Variants in GCKR observed in about 807,000 individuals in gnomAD.
The protein encoded by GCKR is glucokinase regulatory protein.
A neutral mutation model predicts 82.9 loss-of-function variants in GCKR; 73 were observed. That is an observed-to-expected ratio of 0.88 (90% CI 0.73 to 1.07). The LOEUF (loss-of-function observed/expected upper bound fraction) is 1.07, where lower values mean the gene tolerates loss of function less well. Ranked by LOEUF, GCKR falls within the 50% of genes least tolerant of loss-of-function variation. The pLI is 0.00. For synonymous variants in GCKR, 294 were observed against 291.8 expected, an observed-to-expected ratio of 1.01 and a Z score of -0.08; for missense variants, 784 against 782.1, an observed-to-expected ratio of 1.00 and a Z score of -0.03.
At chr2:27,506,403 C>G (rs1336198857) in intron 10 of GCKR, 78 bp from the exon 11 acceptor site, 8 of 934,774 alleles carry the variant, frequency 8.6e-6, no homozygotes, top group Admixed American at 3.4e-5. Context: ...TGTGCCTTCA[C>G]CTCCCCGCTC....
chr2:27,519,237 G>C (rs1242940852), intron 17 of GCKR, among the ~76,000 whole-genome samples: 1 of 151,964 alleles, frequency 6.6e-6, no homozygotes, highest in East Asian at 1.9e-4. Flanking sequence ...ACAATCTTAG[G>C]GCAGCTGAAT....
intron 1 of GCKR, 120 bp downstream of exon 1, chr2:27,497,084 T>C: frequency 3.3e-6 from 4 of 1,207,332 alleles, no homozygotes; most frequent in Non-Finnish European, 4.9e-6. Flanking sequence ...CTTTCCCTAA[T>C]ATGCCCAGAG....
chr2:27,522,793 T>C (rs947868641), intron 18 of GCKR, among the ~76,000 whole-genome samples, 199 bp downstream of exon 18: 2 of 152,172 alleles, frequency 1.3e-5, no homozygotes, highest in East Asian at 3.9e-4. Flanking sequence ...TTTCTGCTCT[T>C]AATCCACCTT....
intron 9 of GCKR, among the ~76,000 whole-genome samples, chr2:27,505,403 C>CAAAAAAAAAAAAAAAAAGAA (rs200176153): frequency 1.8e-5 from 1 of 54,514 alleles, no homozygotes; most frequent in African/African-American, 5.9e-5. Context: ...GACTCCATCT[C>CAAAAAAAAAAAAAAAAAGAA]AAAAAAAAAA....
chr2:27,503,543 C>T lies in GCKR; in HGVS notation c.674C>T (p.Thr225Ile). 1 of 1,607,172 alleles carries T rather than the reference C, an allele frequency of 6.2e-7. No homozygotes were observed. The highest frequency in any genetic ancestry group is 8.5e-7 in the Non-Finnish European group (1 of 1,173,664). The change falls in exon 9 of 19, where the codon ACA (threonine) becomes ATA (isoleucine). Residue 225 changes from threonine (T) to isoleucine (I), a missense_variant. Coordinates refer to ENST00000264717, the MANE Select transcript of GCKR (RefSeq NM_001486.4). ...RNDPIEDWSS[T>I]FRQVAERMQK... ...GACCCCATTGAAGACTGGAGTTCAA[C>T]ATTCCGACAAGTAGCAGAGCGGATG...
intron 10 of GCKR, 125 bp downstream of exon 10, chr2:27,505,961 C>A: frequency 2.7e-6 from 2 of 751,312 alleles, no homozygotes; most frequent in South Asian, 1.4e-5. Context: ...CACCACGCCT[C>A]CCCTGGGAAG....
chr2:27,513,301 C>G (rs940770971), intron 16 of GCKR, among the ~76,000 whole-genome samples: 2 of 152,094 alleles, frequency 1.3e-5, no homozygotes, highest in East Asian at 1.9e-4. Context: ...GAGGCTGAGG[C>G]AGGTGGATCA....
chr2:27,501,261 G>T, intron 8 of GCKR, 32 bp downstream of exon 8: 1 of 1,412,658 alleles, frequency 7.1e-7, no homozygotes, highest in Non-Finnish European at 1.0e-6. Flanking sequence ...GGCAGCCCTG[G>T]GGCAGGCTGG....
intron 8 of GCKR, among the ~76,000 whole-genome samples, chr2:27,502,920 G>A (rs573441144): frequency 6.6e-6 from 1 of 152,348 alleles, no homozygotes; most frequent in South Asian, 2.1e-4. Flanking sequence ...TCCGTGATTT[G>A]TAACTAAGCA....
chr2:27,503,738 G>T, intron 9 of GCKR, 119 bp downstream of exon 9: 1 of 697,422 alleles, frequency 1.4e-6, no homozygotes, highest in Admixed American at 2.1e-5. Flanking sequence ...CTGAGGTATT[G>T]TGAGTCAGCT....
intron 16 of GCKR, among the ~76,000 whole-genome samples, chr2:27,517,055 C>T (rs1287374002): frequency 6.0e-5 from 9 of 149,064 alleles, no homozygotes; most frequent in Non-Finnish European, 1.0e-4. Context: ...ATTCTGTCGC[C>T]AGGCTGGAGT....
intron 13 of GCKR, 57 bp downstream of exon 13, chr2:27,507,368 GAAGAA>G: frequency 9.2e-7 from 1 of 1,083,310 alleles, no homozygotes; most frequent in Non-Finnish European, 1.4e-6. Flanking sequence ...GCTGAGGGTG[GAAGAA>G]AAGGGGAAGG....
Position 27,507,970 on chromosome 2 carries a change from CT to C in GCKR, c.1241-6del. ...CTTTCGACTCTGATGCCCTCCCCTTCTCCTAGACAACCTCACGGAGGTGCAG... is the reference window on the plus strand; with the variant it reads ...CTTTCGACTCTGATGCCCTCCCCTTCCCTAGACAACCTCACGGAGGTGCAG... On this transcript the variant is annotated splice_region_variant and splice_polypyrimidine_tract_variant and intron_variant, in intron 14 of 18. Coordinates refer to ENST00000264717, the MANE Select transcript of GCKR (RefSeq NM_001486.4). 1 of 1,599,114 alleles carries C rather than the reference CT, an allele frequency of 6.3e-7. No homozygotes were observed. The highest frequency in any genetic ancestry group is 8.6e-7 in the Non-Finnish European group (1 of 1,166,422).
chr2:27,497,183 C>T (rs1248283366), intron 1 of GCKR, 61 bp from the exon 2 acceptor site: 1 of 1,590,152 alleles, frequency 6.3e-7, no homozygotes, highest in Non-Finnish European at 8.6e-7. Context: ...CCACCTCCAG[C>T]TCAGCAGGCA....
intron 16 of GCKR, among the ~76,000 whole-genome samples, chr2:27,512,850 T>A (rs2148589043): frequency 6.6e-6 from 1 of 152,332 alleles, no homozygotes; most frequent in Non-Finnish European, 1.5e-5. Context: ...TTGATGACAT[T>A]GATATCTTAG....
intron 7 of GCKR, among the ~76,000 whole-genome samples, chr2:27,500,194 G>T (rs1377508323): frequency 2.0e-5 from 3 of 152,116 alleles, no homozygotes; most frequent in Non-Finnish European, 4.4e-5. Flanking sequence ...AGGTTCAAGC[G>T]ATTCTCCTGC....
intron 8 of GCKR, 32 bp from the exon 9 acceptor site, chr2:27,503,482 A>G (rs754831995): frequency 3.0e-5 from 34 of 1,150,572 alleles, no homozygotes; most frequent in Admixed American, 1.5e-4. Context: ...CTCATAGACA[A>G]TCTCCCCACC....
chr2:27,503,841 C>A (rs1337988249), intron 9 of GCKR, among the ~76,000 whole-genome samples: 2 of 152,214 alleles, frequency 1.3e-5, no homozygotes, highest in Non-Finnish European at 2.9e-5. Context: ...AATTGGTAAG[C>A]CTTAAACACT....
intron 17 of GCKR, among the ~76,000 whole-genome samples, chr2:27,521,074 C>T (rs2148593831): frequency 6.6e-6 from 1 of 151,592 alleles, no homozygotes; most frequent in South Asian, 2.1e-4. Flanking sequence ...AAAAAAGCCA[C>T]AAAAAAACAA....
Sources: allele counts gnomAD v4.1 joint callset (sites outside exome capture counted in the v4.1 genomes callset), GRCh38; gene constraint gnomAD v4.1.1; transcripts MANE v1.5; gene names NCBI Gene and HGNC (gene_info 2026-07-23, HGNC 2026-07-21).